USH2A: variants seen among roughly 807,000 people sequenced by gnomAD.
USH2A encodes the protein Usher syndrome 2A (autosomal recessive, mild).
USH2A carries 443 observed loss-of-function variants against 538.9 expected under a neutral mutation model. That is an observed-to-expected ratio of 0.82 (90% confidence interval 0.76 to 0.89). The LOEUF (loss-of-function observed/expected upper bound fraction) is 0.89, where lower values mean the gene tolerates loss of function less well. Among genes scored for constraint, USH2A ranks in the 40% least tolerant of loss-of-function variants. The pLI, the probability that USH2A is intolerant of heterozygous loss-of-function variation, is 0.00. For synonymous variants in USH2A, 2,413 were observed against 2,273.5 expected (o/e 1.06, Z -1.75); for missense variants, 6,633 against 6,324.8 (o/e 1.05, Z -1.65).
At chr1:215,864,492 C>T (rs1306627867) in intron 44 of USH2A, among the ~76,000 whole-genome samples, 3 of 152,048 alleles carry the variant, frequency 2.0e-5, no homozygotes, top group East Asian at 1.9e-4. Flanking sequence ...AAATGGGGAC[C>T]GGGTCAGATT....
intron 11 of USH2A, among the ~76,000 whole-genome samples, chr1:216,277,090 CA>C (rs2036684304): frequency 1.3e-5 from 2 of 152,102 alleles, no homozygotes; most frequent in Non-Finnish European, 2.9e-5. Flanking sequence ...ATCATAACTC[CA>C]GGAAACTATA....
At chr1:215,939,949 C>A (rs1666596078) in intron 37 of USH2A, among the ~76,000 whole-genome samples, 1 of 152,078 alleles carries the variant, frequency 6.6e-6, no homozygotes, top group Non-Finnish European at 1.5e-5. Flanking sequence ...TATCATAACA[C>A]ACACAATACT....
intron 61 of USH2A, among the ~76,000 whole-genome samples, chr1:215,709,512 A>AT (rs778554414): frequency 2.0e-5 from 3 of 151,884 alleles, no homozygotes; most frequent in Non-Finnish European, 4.4e-5. Context: ...TGAAAATGAA[A>AT]TTGAGTTTGA....
At chr1:215,999,088 T>A in intron 33 of USH2A, 30 bp from the exon 34 acceptor site, 1 of 1,585,874 alleles carries the variant, frequency 6.3e-7, no homozygotes, top group Admixed American at 1.7e-5. Flanking sequence ...TTATTATCAT[T>A]CATTCAAGTC....
chr1:216,413,107 A>G (rs2039516453), intron 3 of USH2A, among the ~76,000 whole-genome samples: 1 of 152,074 alleles, frequency 6.6e-6, no homozygotes, highest in African/African-American at 2.4e-5. Context: ...CTATTCAACT[A>G]ACTTGAGCTG....
intron 60 of USH2A, among the ~76,000 whole-genome samples, chr1:215,734,619 T>C (rs1207967576): frequency 2.0e-5 from 3 of 152,304 alleles, no homozygotes; most frequent in Non-Finnish European, 2.9e-5. Flanking sequence ...CCATATCTGA[T>C]TGTAGGCTGT....
At chr1:215,858,609 C>A (rs1425463408) in intron 44 of USH2A, among the ~76,000 whole-genome samples, 1 of 151,320 alleles carries the variant, frequency 6.6e-6, no homozygotes, top group African/African-American at 2.4e-5. Flanking sequence ...ATTACTCAGT[C>A]TTGCATATTT....
chr1:215,744,520 A>G (rs915135180), intron 58 of USH2A, among the ~76,000 whole-genome samples: 18 of 152,196 alleles, frequency 1.2e-4, no homozygotes, highest in African/African-American at 4.1e-4. Context: ...TTAGTTATTT[A>G]CTTCTGTAGT....
chr1:215,747,610 C>T (rs570483530), intron 58 of USH2A, among the ~76,000 whole-genome samples: 11 of 152,236 alleles, frequency 7.2e-5, no homozygotes, highest in Middle Eastern at 6.8e-3. Flanking sequence ...GTTTCTTCTT[C>T]CTCTCCGCAA....
intron 39 of USH2A, 89 bp from the exon 40 acceptor site, chr1:215,900,306 G>A: frequency 2.2e-6 from 3 of 1,373,436 alleles, no homozygotes; most frequent in Non-Finnish European, 3.1e-6. Flanking sequence ...AAATTTTAGA[G>A]GATGTCAACA....
At chr1:216,372,424 C>T (rs1343920399) in intron 3 of USH2A, among the ~76,000 whole-genome samples, 6 of 152,204 alleles carry the variant, frequency 3.9e-5, no homozygotes, top group Non-Finnish European at 5.9e-5. Flanking sequence ...AAAAAGCCTA[C>T]GTGTATTACA....
At chr1:215,922,123 G>A (rs1439115215) in intron 38 of USH2A, among the ~76,000 whole-genome samples, 2 of 152,120 alleles carry the variant, frequency 1.3e-5, no homozygotes, top group Non-Finnish European at 2.9e-5. Context: ...CTGTACAGAT[G>A]TAGCCACAAG....
At chr1:215,953,760 A>C (rs964282705) in intron 37 of USH2A, among the ~76,000 whole-genome samples, 2 of 151,946 alleles carry the variant, frequency 1.3e-5, no homozygotes, top group African/African-American at 4.8e-5. Flanking sequence ...AGAAACTACC[A>C]TCAGAGTGAA....
intron 30 of USH2A, among the ~76,000 whole-genome samples, chr1:216,050,781 A>C (rs1233748204): frequency 2.0e-5 from 3 of 149,858 alleles, no homozygotes; most frequent in Admixed American, 2.0e-4. Context: ...ATTTTTTTGT[A>C]TTTTTAGTAG....
intron 58 of USH2A, among the ~76,000 whole-genome samples, chr1:215,744,500 A>AT (rs1660407504): frequency 6.6e-6 from 1 of 152,240 alleles, no homozygotes; most frequent in Non-Finnish European, 1.5e-5. Flanking sequence ...AGTTTTTAAC[A>AT]TTTATGAGTT....
chr1:215,974,278 T>C (rs1667567393), intron 35 of USH2A, among the ~76,000 whole-genome samples: 1 of 152,148 alleles, frequency 6.6e-6, no homozygotes, highest in South Asian at 2.1e-4. Context: ...GTAGTGGACA[T>C]TTTAAACTGA....
chr1:215,775,211 T>A lies in USH2A; in HGVS notation c.10939+4632A>T, dbSNP rs571583357. ...GGGTTGGCTTTGTGGGCTTCGACTG[T>A]GCAATCAAACACGGTACCATGCTTG... is the stretch of plus-strand genomic sequence containing the variant. On this transcript the variant is annotated intron_variant, in intron 55 of 71. Coordinates refer to ENST00000307340, the MANE Select transcript of USH2A (RefSeq NM_206933.4). Among the ~76,000 whole-genome samples the A allele has an allele frequency of 3.3e-5, 5 of 152,308 alleles. No homozygotes were observed. In the South Asian group the frequency reaches 8.3e-4, roughly 25 times the overall value.
At chr1:215,672,299 C>T (rs1320392959) in intron 63 of USH2A, among the ~76,000 whole-genome samples, 1 of 151,900 alleles carries the variant, frequency 6.6e-6, no homozygotes, top group East Asian at 1.9e-4. Flanking sequence ...CTATTTTCTA[C>T]CTCCCCTCTT....
intron 35 of USH2A, among the ~76,000 whole-genome samples, chr1:215,972,673 TCCTTTAAGAAGACAA>T (rs1667524850): frequency 6.6e-6 from 1 of 152,228 alleles, no homozygotes; most frequent in Non-Finnish European, 1.5e-5. Context: ...TGATTCATTT[TCCTTTAAGAAGACAA>T]CCTTGTATAG....
Sources: allele counts gnomAD v4.1 joint callset (sites outside exome capture counted in the v4.1 genomes callset), GRCh38; gene constraint gnomAD v4.1.1; transcripts MANE v1.5; gene names NCBI Gene and HGNC (gene_info 2026-07-23, HGNC 2026-07-21).